The following HS6ST3 variants were observed in gnomAD, a reference collection of about 807,000 sequenced individuals.
The protein encoded by HS6ST3 is heparan-sulfate 6-O-sulfotransferase 3.
Under a neutral mutation model 36.7 loss-of-function variants are expected in HS6ST3, and 12 were observed. The observed-to-expected ratio is 0.33, with a 90% CI of 0.21 to 0.53. The LOEUF is 0.53. Among genes scored for constraint, HS6ST3 ranks in the 20% least tolerant of loss-of-function variants. The pLI is 0.95. For synonymous variants in HS6ST3, 240 were observed against 257.5 expected, an observed-to-expected ratio of 0.93 and a Z score of 0.65; for missense variants, 584 against 640.9, an observed-to-expected ratio of 0.91 and a Z score of 0.96.
At chr13:96,198,120 G>C (rs72642914) in intron 1 of HS6ST3, among the ~76,000 whole-genome samples, 7 of 152,174 alleles carry the variant, frequency 4.6e-5, no homozygotes, top group Non-Finnish European at 7.3e-5. Context: ...GCCAAGGCTC[G>C]GGGCTTACAC....
intron 1 of HS6ST3, among the ~76,000 whole-genome samples, chr13:96,457,215 G>A (rs2055758489): frequency 6.6e-6 from 1 of 152,086 alleles, no homozygotes; most frequent in African/African-American, 2.4e-5. Flanking sequence ...TTACTTGAAT[G>A]TAGCTAGATT....
chr13:96,252,868 C>T (rs1347276306), intron 1 of HS6ST3, among the ~76,000 whole-genome samples: 1 of 152,090 alleles, frequency 6.6e-6, no homozygotes, highest in East Asian at 1.9e-4. Flanking sequence ...TGAGTCAAAG[C>T]TCCCTGAGGC....
chr13:96,146,090 T>G (rs1336283881), intron 1 of HS6ST3, among the ~76,000 whole-genome samples: 1 of 152,230 alleles, frequency 6.6e-6, no homozygotes, highest in African/African-American at 2.4e-5. Context: ...GGTAGCATGA[T>G]GCCTCCAGCT....
chr13:96,711,695 C>A (rs1198432958), intron 1 of HS6ST3, among the ~76,000 whole-genome samples: 1 of 152,140 alleles, frequency 6.6e-6, no homozygotes, highest in Non-Finnish European at 1.5e-5. Flanking sequence ...ATCTGCATAT[C>A]CATAGGACTT....
In HS6ST3 at chr13:96,509,180, T is replaced by G. The variant is rs544756795; in HGVS notation, c.708-323310T>G. On this transcript the variant is annotated intron_variant, in intron 1 of 1. Coordinates refer to ENST00000376705, the MANE Select transcript of HS6ST3 (RefSeq NM_153456.4). ...TTGAGAAATGTCTATTCAAGTTCTT[T>G]GCCCACTTTTTCATGGGATTATTTG... 4.2e-3 allele frequency among the ~76,000 whole-genome samples: 632 copies of G among 152,272 alleles called. 1 individual carries two copies. The highest frequency in any genetic ancestry group is 7.3e-3 in the Non-Finnish European group (499 of 67,982).
chr13:96,473,018 T>C (rs74335719), intron 1 of HS6ST3, among the ~76,000 whole-genome samples: 1,572 of 152,298 alleles, frequency 0.01, 28 homozygotes, highest in African/African-American at 0.037. Flanking sequence ...ATATATTTAG[T>C]ATGACAAGCA....
chr13:96,688,083 G>A (rs1280510467), intron 1 of HS6ST3, among the ~76,000 whole-genome samples: 2 of 172 alleles, frequency 0.012, no homozygotes, highest in Admixed American at 0.1. Flanking sequence ...GAATGGGGGG[G>A]GGGGAGGGAT....
chr13:96,450,949 C>T (rs1453654359), intron 1 of HS6ST3, among the ~76,000 whole-genome samples: 3 of 152,074 alleles, frequency 2.0e-5, no homozygotes, highest in African/African-American at 7.2e-5. Context: ...GTGAAGGCCT[C>T]AGTTGGAATC....
chr13:96,111,653 TA>T (rs1388293921), intron 1 of HS6ST3, among the ~76,000 whole-genome samples: 1 of 152,198 alleles, frequency 6.6e-6, no homozygotes, highest in African/African-American at 2.4e-5. Context: ...GACACAGGAA[TA>T]TTCTTCAAAA....
At chr13:96,215,631 A>G (rs1442460403) in intron 1 of HS6ST3, among the ~76,000 whole-genome samples, 6 of 152,216 alleles carry the variant, frequency 3.9e-5, no homozygotes, top group Admixed American at 3.9e-4. Context: ...GTTGTTAAAA[A>G]AAGCTTTTTT....
chr13:96,531,635 C>G (rs1388300683), intron 1 of HS6ST3, among the ~76,000 whole-genome samples: 1 of 152,188 alleles, frequency 6.6e-6, no homozygotes, highest in Non-Finnish European at 1.5e-5. Context: ...ATTTCCTCAC[C>G]TGTGAAACGG....
chr13:96,818,721 G>C (rs1248492774), intron 1 of HS6ST3, among the ~76,000 whole-genome samples: 2 of 152,340 alleles, frequency 1.3e-5, no homozygotes, highest in Admixed American at 1.3e-4. Context: ...TGCTAGCCAA[G>C]GTGAAGTGTT....
At chr13:96,435,464 C>T (rs559605437) in intron 1 of HS6ST3, among the ~76,000 whole-genome samples, 2 of 152,276 alleles carry the variant, frequency 1.3e-5, no homozygotes, top group South Asian at 4.1e-4. Flanking sequence ...CTTTGTGAGG[C>T]CTTTCCAGAT....
chr13:96,100,597 G>A (rs1474435556), intron 1 of HS6ST3, among the ~76,000 whole-genome samples: 1 of 152,180 alleles, frequency 6.6e-6, no homozygotes, highest in South Asian at 2.1e-4. Context: ...TTCTGGAGAG[G>A]AGGTGTTTGC....
chr13:96,198,854 C>T (rs1240538357), intron 1 of HS6ST3, among the ~76,000 whole-genome samples: 1 of 152,244 alleles, frequency 6.6e-6, no homozygotes, highest in East Asian at 1.9e-4. Context: ...TACAAAGTTG[C>T]TTCCACATTT....
intron 1 of HS6ST3, among the ~76,000 whole-genome samples, chr13:96,689,245 C>G (rs1029432621): frequency 1.3e-5 from 2 of 152,002 alleles, no homozygotes; most frequent in African/African-American, 4.8e-5. Flanking sequence ...TTACTACTCC[C>G]AAGCCTCATT....
intron 1 of HS6ST3, among the ~76,000 whole-genome samples, chr13:96,510,797 A>G (rs2056046735): frequency 6.6e-6 from 1 of 152,064 alleles, no homozygotes. Flanking sequence ...AAGCATTCTA[A>G]CGTGTTTGAT....
At chr13:96,362,131 A>G (rs780607580) in intron 1 of HS6ST3, among the ~76,000 whole-genome samples, 6 of 152,206 alleles carry the variant, frequency 3.9e-5, no homozygotes, top group South Asian at 2.1e-4. Flanking sequence ...CTAGCTAAAA[A>G]CAAAGAAATT....
chr13:96,433,927 C>T (rs532969135), intron 1 of HS6ST3, among the ~76,000 whole-genome samples: 1 of 151,796 alleles, frequency 6.6e-6, no homozygotes, highest in East Asian at 1.9e-4. Flanking sequence ...AAGAGTGAAA[C>T]TCTGTCAGAA....
Sources: allele counts gnomAD v4.1 joint callset (sites outside exome capture counted in the v4.1 genomes callset), GRCh38; gene constraint gnomAD v4.1.1; transcripts MANE v1.5; gene names NCBI Gene and HGNC (gene_info 2026-07-23, HGNC 2026-07-21).